Variants in RASA1 observed in about 807,000 individuals in gnomAD.
The protein encoded by RASA1 is RAS p21 protein activator 1.
Under a neutral mutation model 132.2 loss-of-function variants are expected in RASA1, and 25 were observed. The ratio of observed to expected loss-of-function variants is 0.19; its 90% CI spans 0.14 to 0.26. RASA1 has a LOEUF of 0.26. Ranked by LOEUF, RASA1 falls within the 10% of genes least tolerant of loss-of-function variation. The pLI is 1.00. For synonymous variants in RASA1, 477 were observed against 449.9 expected (o/e 1.06, Z -0.76); for missense variants, 964 against 1,299.2 (o/e 0.74, Z 3.97).
At chr5:87,333,189 C>T in intron 3 of RASA1, 78 bp from the exon 4 acceptor site, 1 of 1,559,052 alleles carries the variant, frequency 6.4e-7, no homozygotes, top group South Asian at 1.2e-5. Flanking sequence ...TTTTTATTGG[C>T]TTTATGTGGA....
chr5:87,351,806 C>T (rs1759300501), intron 8 of RASA1, among the ~76,000 whole-genome samples: 1 of 151,758 alleles, frequency 6.6e-6, no homozygotes, highest in South Asian at 2.1e-4. Context: ...TTTAAATTTG[C>T]TCCTGGACAA....
chr5:87,308,954 T>C (rs1218324949), intron 1 of RASA1, among the ~76,000 whole-genome samples: 1 of 152,180 alleles, frequency 6.6e-6, no homozygotes, highest in Non-Finnish European at 1.5e-5. Flanking sequence ...TCTTAGAATG[T>C]ATCCCTGTCG....
chr5:87,271,506 T>C (rs1485727301), intron 1 of RASA1, among the ~76,000 whole-genome samples: 2 of 144,728 alleles, frequency 1.4e-5, no homozygotes, highest in Admixed American at 1.4e-4. Flanking sequence ...TTTCGCTGTT[T>C]CGCCCAGGCT....
At chr5:87,320,265 T>C (rs1253387129) in intron 1 of RASA1, among the ~76,000 whole-genome samples, 2 of 152,214 alleles carry the variant, frequency 1.3e-5, no homozygotes, top group Non-Finnish European at 2.9e-5. Flanking sequence ...CTCTCCAAAC[T>C]GTTCCAGCCT....
chr5:87,276,851 C>G (rs1333041127), intron 1 of RASA1, among the ~76,000 whole-genome samples: 1 of 152,142 alleles, frequency 6.6e-6, no homozygotes, highest in Non-Finnish European at 1.5e-5. Flanking sequence ...AGCTTCTCTG[C>G]TTAGATACAG....
chr5:87,296,619 T>C (rs368948171), intron 1 of RASA1, among the ~76,000 whole-genome samples: 1 of 122,486 alleles, frequency 8.2e-6, no homozygotes, highest in Non-Finnish European at 1.8e-5. Flanking sequence ...CTCAACACTT[T>C]AGTTTAATTT....
At chr5:87,306,142 A>G (rs1031631128) in intron 1 of RASA1, among the ~76,000 whole-genome samples, 12 of 151,954 alleles carry the variant, frequency 7.9e-5, no homozygotes, top group African/African-American at 2.9e-4. Flanking sequence ...AATATAAATC[A>G]CTCTATTATA....
At chr5:87,350,248 TA>T (rs1014731712) in intron 8 of RASA1, among the ~76,000 whole-genome samples, 1 of 151,876 alleles carries the variant, frequency 6.6e-6, no homozygotes, top group African/African-American at 2.4e-5. Context: ...GATGTGAGTC[TA>T]GGCAGCTGTA....
intron 1 of RASA1, among the ~76,000 whole-genome samples, chr5:87,311,426 G>A (rs1755905473): frequency 6.6e-6 from 1 of 152,160 alleles, no homozygotes; most frequent in Non-Finnish European, 1.5e-5. Context: ...ACCAACCTCA[G>A]GTTCAGTGAT....
chr5:87,380,439 G>A lies in RASA1; in HGVS notation c.2604-70G>A, dbSNP rs1761629771. The A allele has an allele frequency of 2.9e-6, 4 of 1,361,194 alleles. No individual in the cohort carries two copies. The South Asian group carries it at 3.5e-5, about 12-fold the overall frequency. The allele number at this position is 1,361,194 out of a possible 1,614,324, so 84.3% of individuals were successfully genotyped here. ...ACTGTGGTATATTTGGGTAAATTAA[G>A]CTTTTGGCTGCTAGGAGATCAGTGT... On this transcript the variant is annotated intron_variant, in intron 19 of 24. Coordinates refer to ENST00000274376, the MANE Select transcript of RASA1 (RefSeq NM_002890.3).
chr5:87,335,214 T>TGAGAGAGAATGTTTTCACTTGA (rs1221194820), intron 4 of RASA1, among the ~76,000 whole-genome samples: 1 of 152,030 alleles, frequency 6.6e-6, no homozygotes, highest in Admixed American at 6.6e-5. Context: ...CATTTTCACT[T>TGAGAGAGAATGTTTTCACTTGA]GAGAGAATGT....
chr5:87,287,005 CAT>C (rs1219310812), intron 1 of RASA1, among the ~76,000 whole-genome samples: 5 of 140,178 alleles, frequency 3.6e-5, no homozygotes, highest in Non-Finnish European at 3.1e-5. Context: ...ATATATATAC[CAT>C]ATATATACAC....
At position 87,380,520 on chromosome 5, in the gene RASA1, A is replaced by C; in HGVS notation, c.2615A>C (p.Tyr872Ser). 1.2e-6 allele frequency: 2 copies of C among 1,612,616 alleles called. No individual in the cohort carries two copies. Among genetic ancestry groups the C allele is most frequent in the Non-Finnish European group, 1.7e-6 (2 of 1,178,770 alleles). ...ASEILPPTLR[Y>S]IYGCLQKSVQ... The stretch of plus-strand genomic sequence containing the variant: ...TGTTATTTTGGCAGGACATTGAGAT[A>C]TATTTATGGGTGTTTACAGAAATCT... Residue 872 changes from tyrosine to serine, a missense_variant, in exon 20 of 25, where the codon TAT becomes TCT. Tyr to Ser is a moderately radical substitution (Grantham distance 144). Coordinates refer to ENST00000274376, the MANE Select transcript of RASA1 (RefSeq NM_002890.3).
intron 6 of RASA1, among the ~76,000 whole-genome samples, chr5:87,342,280 T>C (rs538423264): frequency 9.1e-4 from 138 of 151,990 alleles, no homozygotes; most frequent in African/African-American, 3.0e-3. Context: ...TGCCTTAGTC[T>C]CCTGAGTAGC....
chr5:87,288,666 T>C (rs1462027743), intron 1 of RASA1, among the ~76,000 whole-genome samples: 1 of 152,148 alleles, frequency 6.6e-6, no homozygotes, highest in Admixed American at 6.5e-5. Context: ...GGTGGAGTTA[T>C]TCTTGTTATT....
intron 1 of RASA1, among the ~76,000 whole-genome samples, chr5:87,288,714 G>A (rs1041110711): frequency 1.2e-4 from 18 of 151,992 alleles, no homozygotes; most frequent in African/African-American, 3.4e-4. Context: ...TTTTTTTTGG[G>A]TCCAGATTGC....
intron 10 of RASA1, 58 bp downstream of exon 10, chr5:87,362,729 C>T (rs2112457799): frequency 6.5e-7 from 1 of 1,549,212 alleles, no homozygotes; most frequent in South Asian, 1.1e-5. Context: ...ATATGGAGCT[C>T]CGAACTTATT....
At chr5:87,290,055 C>G (rs1262966342) in intron 1 of RASA1, among the ~76,000 whole-genome samples, 1 of 152,180 alleles carries the variant, frequency 6.6e-6, no homozygotes, top group African/African-American at 2.4e-5. Flanking sequence ...TATCCTGGAG[C>G]AGTCATCTTG....
At chr5:87,381,759 G>GT (rs1761731720) in intron 20 of RASA1, among the ~76,000 whole-genome samples, 3 of 152,250 alleles carry the variant, frequency 2.0e-5, no homozygotes, top group Admixed American at 2.0e-4. Flanking sequence ...CTATAAATTT[G>GT]TAAGTTTCAA....
Sources: allele counts gnomAD v4.1 joint callset (sites outside exome capture counted in the v4.1 genomes callset), GRCh38; gene constraint gnomAD v4.1.1; transcripts MANE v1.5; gene names NCBI Gene and HGNC (gene_info 2026-07-23, HGNC 2026-07-21).